The following MDGA2 variants were observed in gnomAD, a reference collection of about 807,000 sequenced individuals.
MDGA2 encodes MAM domain containing glycosylphosphatidylinositol anchor 2, also known as MAM domain-containing glycosylphosphatidylinositol anchor protein 2.
In MDGA2, 40 loss-of-function variants were observed where a neutral mutation model predicts 117.8. The ratio of observed to expected loss-of-function variants is 0.34; its 90% CI spans 0.26 to 0.44. MDGA2 has a LOEUF of 0.44. Among genes scored for constraint, MDGA2 ranks in the 20% least tolerant of loss-of-function variants. The probability of loss-of-function intolerance (pLI) is 1.00; values close to 1 mark genes in which losing one functional copy is unlikely to be tolerated. For synonymous variants in MDGA2, 452 were observed against 439.0 expected (o/e 1.03, Z -0.37); for missense variants, 1,123 against 1,250.6 (o/e 0.90, Z 1.54).
chr14:47,609,442 T>C lies in MDGA2; in HGVS notation c.280+65075A>G, dbSNP rs1394468267. 4.6e-4 allele frequency among the ~76,000 whole-genome samples: 41 copies of C among 89,606 alleles called. 2 individuals carry two copies. The highest frequency in any genetic ancestry group is 7.8e-4 in the Non-Finnish European group (35 of 44,802). 58.8% of individuals were successfully genotyped at this position (89,606 alleles called of 152,430 possible). ...TAGTATTCCATCATATATATATATA[T>C]ATATATATATATATATATATATAAG... is the stretch of plus-strand genomic sequence containing the variant. On this transcript the variant is annotated intron_variant, in intron 1 of 16. Transcript: ENST00000399232.
At chr14:47,031,428 T>C (rs1012796182) in intron 8 of MDGA2, among the ~76,000 whole-genome samples, 1 of 152,200 alleles carries the variant, frequency 6.6e-6, no homozygotes, top group African/African-American at 2.4e-5. Flanking sequence ...CTCTTTTACA[T>C]TCTTTTATGT....
intron 11 of MDGA2, among the ~76,000 whole-genome samples, chr14:46,879,361 T>C (rs1475627909): frequency 6.6e-6 from 1 of 152,100 alleles, no homozygotes; most frequent in African/African-American, 2.4e-5. Context: ...TTGTGTTGTT[T>C]AAGCCTCCCA....
At chr14:47,109,894 C>T (rs908458252) in intron 5 of MDGA2, among the ~76,000 whole-genome samples, 1 of 151,940 alleles carries the variant, frequency 6.6e-6, no homozygotes, top group Non-Finnish European at 1.5e-5. Flanking sequence ...TGCAGTGAGC[C>T]GAGATTGTGC....
At chr14:47,200,339 GACAGA>G (rs1365523931) in intron 3 of MDGA2, among the ~76,000 whole-genome samples, 10 of 151,764 alleles carry the variant, frequency 6.6e-5, no homozygotes, top group African/African-American at 2.4e-4. Context: ...ATTTATTGAA[GACAGA>G]ACAGAATGAA....
chr14:47,314,213 A>T (rs1177794180), intron 1 of MDGA2, among the ~76,000 whole-genome samples: 2 of 152,112 alleles, frequency 1.3e-5, no homozygotes, highest in African/African-American at 2.4e-5. Flanking sequence ...TCCACAAAAG[A>T]TTTTATGAGG....
intron 9 of MDGA2, among the ~76,000 whole-genome samples, chr14:46,938,786 A>T (rs1266788897): frequency 6.6e-6 from 1 of 152,228 alleles, no homozygotes; most frequent in South Asian, 2.1e-4. Flanking sequence ...GAAGGAAATC[A>T]GTACAGTACA....
At chr14:47,213,393 T>G (rs1366838232) in intron 3 of MDGA2, among the ~76,000 whole-genome samples, 3 of 152,200 alleles carry the variant, frequency 2.0e-5, no homozygotes, top group Non-Finnish European at 4.4e-5. Context: ...TTCCTAATGT[T>G]TTGAAGTTGC....
chr14:47,081,970 T>C (rs149021925), intron 6 of MDGA2, among the ~76,000 whole-genome samples: 33 of 152,236 alleles, frequency 2.2e-4, no homozygotes, highest in African/African-American at 5.8e-4. Flanking sequence ...AATTAGGAGA[T>C]AGCAAAAGCT....
In MDGA2 at chr14:46,976,071, G is replaced by A. The variant is rs372098695; in HGVS notation, c.1820-18428C>T. Among the ~76,000 whole-genome samples, 7 of 152,070 alleles carry A rather than the reference G, an allele frequency of 4.6e-5. No homozygotes were observed. The East Asian group carries it at 1.2e-3, about 25-fold the overall frequency. ...TGGAATAATTTTCAGAGAAAATGGA[G>A]AGTTATTGTTTAATATATTGAGAGT... On this transcript the variant is annotated intron_variant, in intron 8 of 16. Coordinates refer to ENST00000399232, the MANE Select transcript of MDGA2 (RefSeq NM_001113498.3).
intron 15 of MDGA2, among the ~76,000 whole-genome samples, chr14:46,851,753 G>A (rs955238784): frequency 9.9e-5 from 15 of 151,658 alleles, no homozygotes; most frequent in African/African-American, 3.6e-4. Flanking sequence ...TCAAATACCA[G>A]AAAGTTACAT....
chr14:47,373,034 G>A (rs1891399963), intron 1 of MDGA2, among the ~76,000 whole-genome samples: 1 of 151,832 alleles, frequency 6.6e-6, no homozygotes, highest in Non-Finnish European at 1.5e-5. Flanking sequence ...AACCTCATAT[G>A]TGTATATGAT....
intron 10 of MDGA2, among the ~76,000 whole-genome samples, chr14:46,912,349 T>C (rs748081306): frequency 2.0e-5 from 3 of 152,204 alleles, no homozygotes; most frequent in Admixed American, 6.5e-5. Context: ...CTGGAAATTC[T>C]ATTACTACTG....
intron 1 of MDGA2, among the ~76,000 whole-genome samples, chr14:47,424,721 T>C (rs572159951): frequency 3.3e-5 from 5 of 152,328 alleles, no homozygotes; most frequent in Non-Finnish European, 2.9e-5. Context: ...AATACATATC[T>C]ATGTGACATA....
At chr14:47,358,968 C>A (rs1891053470) in intron 1 of MDGA2, among the ~76,000 whole-genome samples, 1 of 152,126 alleles carries the variant, frequency 6.6e-6, no homozygotes, top group African/African-American at 2.4e-5. Context: ...CAAAAAAACT[C>A]TAAAATTTGC....
intron 3 of MDGA2, among the ~76,000 whole-genome samples, chr14:47,146,680 A>C (rs1882957722): frequency 6.6e-6 from 1 of 152,170 alleles, no homozygotes; most frequent in Non-Finnish European, 1.5e-5. Flanking sequence ...GCTCATTTTT[A>C]GAAGTTATGA....
chr14:47,556,367 C>T (rs1032152795), intron 1 of MDGA2, among the ~76,000 whole-genome samples: 4 of 152,214 alleles, frequency 2.6e-5, no homozygotes, highest in East Asian at 1.9e-4. Context: ...CTGCCCAATA[C>T]ATTCCCACTC....
intron 9 of MDGA2, among the ~76,000 whole-genome samples, chr14:46,942,879 ACATGTGCTTT>A (rs1885047706): frequency 1.3e-5 from 2 of 152,132 alleles, no homozygotes; most frequent in South Asian, 4.1e-4. Flanking sequence ...CTTTGTGTAT[ACATGTGCTTT>A]CATTTCTGTT....
intron 1 of MDGA2, among the ~76,000 whole-genome samples, chr14:47,460,224 A>G (rs1206276008): frequency 6.6e-6 from 1 of 152,164 alleles, no homozygotes; most frequent in East Asian, 1.9e-4. Flanking sequence ...TGTTTTAGGC[A>G]TTACAAACTT....
At chr14:47,060,165 T>C (rs1462165344) in intron 7 of MDGA2, among the ~76,000 whole-genome samples, 1 of 152,108 alleles carries the variant, frequency 6.6e-6, no homozygotes, top group African/African-American at 2.4e-5. Flanking sequence ...ACAAGTACTT[T>C]TCATCACCCT....
Sources: gnomAD v4.1 joint callset for allele counts (sites outside exome capture counted in the v4.1 genomes callset) on GRCh38, gnomAD v4.1.1 for gene constraint, MANE v1.5 for transcripts, NCBI Gene and HGNC (gene_info 2026-07-23, HGNC 2026-07-21) for gene names.